POC1A: variants seen among roughly 807,000 people sequenced by gnomAD.
POC1A encodes the protein POC1 centriolar protein homolog A.
In POC1A, 34 loss-of-function variants were observed where a neutral mutation model predicts 47.8. The ratio of observed to expected loss-of-function variants is 0.71; its 90% CI spans 0.54 to 0.95. The LOEUF (loss-of-function observed/expected upper bound fraction) is 0.95, where lower values mean the gene tolerates loss of function less well. POC1A is among the 40% of genes least tolerant of loss of function. The pLI is 0.00. For synonymous variants in POC1A, 177 were observed against 207.6 expected, an observed-to-expected ratio of 0.85 and a Z score of 1.27; for missense variants, 466 against 528.3, an observed-to-expected ratio of 0.88 and a Z score of 1.16.
intron 7 of POC1A, among the ~76,000 whole-genome samples, chr3:52,135,695 C>T (rs1704430411): frequency 6.6e-6 from 1 of 152,136 alleles, no homozygotes; most frequent in Non-Finnish European, 1.5e-5. Context: ...GTAAGTAAGG[C>T]CTTCTCCTGG....
In POC1A at chr3:52,079,677, A is replaced by G. The variant is rs1256561845; in HGVS notation, c.1126-3692T>C. Among the ~76,000 whole-genome samples, 1 of 152,184 alleles carries G rather than the reference A, an allele frequency of 6.6e-6. No homozygotes were observed. The highest frequency in any genetic ancestry group is 2.4e-5 in the African/African-American group (1 of 41,448). ...AAGGGAAACTGCTTTGCCTGACACAAGCGTCCATGGCTTCTGGCTTTGGGG... is the reference window on the plus strand; with the variant it reads ...AAGGGAAACTGCTTTGCCTGACACAGGCGTCCATGGCTTCTGGCTTTGGGG... On this transcript the variant is annotated intron_variant, in intron 10 of 10. Coordinates refer to ENST00000296484, the MANE Select transcript of POC1A (RefSeq NM_015426.5). The surrounding 1 kb of genome is among the most constrained non-coding windows in gnomAD (Gnocchi z 4.6).
intron 7 of POC1A, among the ~76,000 whole-genome samples, chr3:52,135,154 A>C (rs945006880): frequency 6.6e-6 from 1 of 152,176 alleles, no homozygotes; most frequent in African/African-American, 2.4e-5. Flanking sequence ...CCAGGCCCTC[A>C]TCAGTAATGA....
intron 7 of POC1A, 133 bp from the exon 8 acceptor site, chr3:52,125,314 CT>C: frequency 1.4e-6 from 1 of 693,772 alleles, no homozygotes; most frequent in Non-Finnish European, 2.4e-6. Flanking sequence ...GCCCACAGTC[CT>C]CCGTAACCTG....
intron 1 of POC1A, among the ~76,000 whole-genome samples, chr3:52,151,610 CAAA>C (rs575884047): frequency 7.2e-5 from 4 of 55,834 alleles, no homozygotes; most frequent in African/African-American, 6.0e-5. Context: ...GACTCCGTCT[CAAA>C]AAAAAAAAAA....
intron 6 of POC1A, among the ~76,000 whole-genome samples, chr3:52,143,770 G>A (rs146227996): frequency 6.6e-6 from 1 of 152,312 alleles, no homozygotes; most frequent in East Asian, 1.9e-4. Flanking sequence ...AACCCCAGCA[G>A]GCTCTGGACA....
intron 7 of POC1A, among the ~76,000 whole-genome samples, chr3:52,136,971 T>C (rs1704495130): frequency 6.6e-6 from 1 of 152,180 alleles, no homozygotes; most frequent in Non-Finnish European, 1.5e-5. Context: ...GGTAGCAGCA[T>C]TCACATGATT....
At chr3:52,153,175 A>G (rs1469292649) in intron 1 of POC1A, among the ~76,000 whole-genome samples, 1 of 152,254 alleles carries the variant, frequency 6.6e-6, no homozygotes, top group Non-Finnish European at 1.5e-5. Context: ...GTGTATGAAT[A>G]ACTTAATAAA....
intron 7 of POC1A, among the ~76,000 whole-genome samples, chr3:52,133,673 TGA>T: frequency 6.6e-6 from 1 of 152,208 alleles, no homozygotes; most frequent in South Asian, 2.1e-4. Flanking sequence ...TAAATCAGGG[TGA>T]GTTTGGCCTC....
In POC1A at chr3:52,096,588, T is replaced by G; in HGVS notation, c.1106A>C (p.Gln369Pro). Reference protein sequence around the residue: ...LTSTLEHIVGQLDVLTQTVSI... With the variant: ...LTSTLEHIVGPLDVLTQTVSI... The stretch of plus-strand genomic sequence containing the variant: ...GCCTACCTGAGTGAGGACATCCAGC[T>G]GGCCCACAATGTGCTCCAGCGTGCT... The change falls in exon 10 of 11, where the codon CAG (glutamine) becomes CCG (proline). Residue 369 changes from glutamine (Q) to proline (P), a missense_variant. Coordinates refer to ENST00000296484, the MANE Select transcript of POC1A (RefSeq NM_015426.5). 1 of 1,591,112 alleles carries G rather than the reference T, an allele frequency of 6.3e-7. No individual in the cohort carries two copies. Among genetic ancestry groups the G allele is most frequent in the Non-Finnish European group, 8.5e-7 (1 of 1,169,816 alleles).
intron 9 of POC1A, among the ~76,000 whole-genome samples, chr3:52,111,211 C>A (rs112243011): frequency 0.016 from 2,476 of 152,288 alleles, 57 homozygotes; most frequent in African/African-American, 0.052. Context: ...GGAAATTTTT[C>A]TAGTGACAGG....
At chr3:52,085,879 A>T (rs1216160090) in intron 10 of POC1A, among the ~76,000 whole-genome samples, 2 of 152,160 alleles carry the variant, frequency 1.3e-5, no homozygotes, top group African/African-American at 2.4e-5. Context: ...GGCATGCACT[A>T]TGGGGAACAT....
At chr3:52,122,742 C>T (rs1372900330) in intron 8 of POC1A, among the ~76,000 whole-genome samples, 1 of 152,226 alleles carries the variant, frequency 6.6e-6, no homozygotes, top group Non-Finnish European at 1.5e-5. Context: ...GCTGGTTCAC[C>T]TCCCTAGGGT....
At chr3:52,093,687 A>G (rs564720173) in intron 10 of POC1A, among the ~76,000 whole-genome samples, 13 of 152,312 alleles carry the variant, frequency 8.5e-5, no homozygotes, top group East Asian at 5.8e-4. Flanking sequence ...ACAAAACCTG[A>G]GCCACTCCTC....
At chr3:52,121,639 G>A (rs1199533082) in intron 9 of POC1A, among the ~76,000 whole-genome samples, 1 of 152,164 alleles carries the variant, frequency 6.6e-6, no homozygotes, top group Non-Finnish European at 1.5e-5. Context: ...CCTGTTGTTT[G>A]GGCCAGTATC....
At chr3:52,099,045 C>G (rs2106984910) in intron 9 of POC1A, among the ~76,000 whole-genome samples, 1 of 152,320 alleles carries the variant, frequency 6.6e-6, no homozygotes, top group Admixed American at 6.5e-5. Flanking sequence ...GCTGGGCTTC[C>G]ATGTGCACAG....
At chr3:52,097,685 G>A (rs1203435658) in intron 9 of POC1A, among the ~76,000 whole-genome samples, 1 of 152,180 alleles carries the variant, frequency 6.6e-6, no homozygotes, top group Non-Finnish European at 1.5e-5. Context: ...ACTTTCAAGG[G>A]CATGCTGATT....
chr3:52,078,509 T>C (rs796794013), intron 10 of POC1A, among the ~76,000 whole-genome samples: 183 of 119,732 alleles, frequency 1.5e-3, no homozygotes, highest in African/African-American at 4.7e-3. Flanking sequence ...ATCTCTTTTT[T>C]TTTTTTTTTT....
intron 10 of POC1A, among the ~76,000 whole-genome samples, chr3:52,088,396 A>G (rs904719924): frequency 2.0e-5 from 3 of 152,214 alleles, no homozygotes; most frequent in Non-Finnish European, 4.4e-5. Context: ...GCTAAGTTCA[A>G]GGCTTCCTGT....
chr3:52,101,797 T>C (rs1472854749), intron 9 of POC1A, among the ~76,000 whole-genome samples: 2 of 152,184 alleles, frequency 1.3e-5, no homozygotes, highest in African/African-American at 4.8e-5. Flanking sequence ...AGAAATTAGA[T>C]ATTTCTTATA....
Sources: gnomAD v4.1 joint callset for allele counts (sites outside exome capture counted in the v4.1 genomes callset) on GRCh38, gnomAD v4.1.1 for gene constraint, Gnocchi (gnomAD v3.1) non-coding constraint, MANE v1.5 for transcripts, NCBI Gene and HGNC (gene_info 2026-07-23, HGNC 2026-07-21) for gene names.